Variants in DPP6 observed in about 807,000 individuals in gnomAD.
The protein encoded by DPP6 is A-type potassium channel modulatory protein DPP6.
A neutral mutation model predicts 122.6 loss-of-function variants in DPP6; 69 were observed. The ratio of observed to expected loss-of-function variants is 0.56; its 90% CI spans 0.46 to 0.69. The LOEUF (loss-of-function observed/expected upper bound fraction) is 0.69, where lower values mean the gene tolerates loss of function less well. DPP6 is among the 30% of genes least tolerant of loss of function. DPP6 has a pLI of 0.00. For synonymous variants in DPP6, 418 were observed against 433.1 expected, an observed-to-expected ratio of 0.97 and a Z score of 0.43; for missense variants, 928 against 1,116.9, an observed-to-expected ratio of 0.83 and a Z score of 2.41.
At chr7:153,805,806 A>G in the DPP6 span, among the ~76,000 whole-genome samples, 1 of 151,990 alleles carries the variant, frequency 6.6e-6, no homozygotes, top group Non-Finnish European at 1.5e-5. Flanking sequence ...GAACAATGAG[A>G]ACACTTGGAC....
intron 1 of DPP6, among the ~76,000 whole-genome samples, chr7:154,102,030 T>C (rs113933878): frequency 0.038 from 5,758 of 151,860 alleles, 354 homozygotes; most frequent in African/African-American, 0.13. Context: ...TCAGTAAACA[T>C]TGGATTTCTA....
intron 1 of DPP6, among the ~76,000 whole-genome samples, chr7:153,918,805 C>T (rs1214689691): frequency 1.3e-5 from 2 of 151,732 alleles, no homozygotes; most frequent in African/African-American, 4.8e-5. Context: ...CATGGTGAAA[C>T]CCCGTCTCTA....
At chr7:154,043,008 G>T (rs560845584) in intron 1 of DPP6, among the ~76,000 whole-genome samples, 1 of 152,272 alleles carries the variant, frequency 6.6e-6, no homozygotes, top group Admixed American at 6.5e-5. Flanking sequence ...TGCCTTCCCA[G>T]GAAATCAGGA....
chr7:153,972,158 T>C (rs960186979), intron 1 of DPP6, among the ~76,000 whole-genome samples: 1 of 151,302 alleles, frequency 6.6e-6, no homozygotes, highest in East Asian at 1.9e-4. Flanking sequence ...TCTGATTTCA[T>C]GAAGGAAGCG....
chr7:154,033,668 A>G (rs1214672165), intron 1 of DPP6, among the ~76,000 whole-genome samples: 3 of 152,230 alleles, frequency 2.0e-5, no homozygotes, highest in Non-Finnish European at 4.4e-5. Context: ...GAGTGATTCC[A>G]TAAGCTAGAC....
At position 154,070,781 on chromosome 7, in the gene DPP6, G is replaced by A. The variant is rs1411267010; in HGVS notation, c.243+17718G>A. Among the ~76,000 whole-genome samples the A allele has an allele frequency of 2.6e-5, 4 of 152,090 alleles. No individual in the cohort carries two copies. The East Asian group carries it at 7.7e-4, about 29-fold the overall frequency. On this transcript the variant is annotated intron_variant, in intron 1 of 25. Transcript: ENST00000377770. ...GAAGGTATGGGAAACTGTATTTGTA[G>A]TGTTCACTCAAACCATTCCCAATAA...
intron 5 of DPP6, among the ~76,000 whole-genome samples, chr7:154,580,418 C>T (rs753153121): frequency 3.3e-5 from 5 of 152,196 alleles, no homozygotes; most frequent in Admixed American, 6.5e-5. Context: ...ATGAATGGAA[C>T]GTTGCTCACT....
At chr7:153,857,827 A>G in the DPP6 span, among the ~76,000 whole-genome samples, 1 of 152,322 alleles carries the variant, frequency 6.6e-6, no homozygotes, top group Non-Finnish European at 1.5e-5. Flanking sequence ...CTCTTTAAGA[A>G]CACCACCACA....
chr7:154,197,793 G>A (rs1420721665), intron 1 of DPP6, among the ~76,000 whole-genome samples: 5 of 152,254 alleles, frequency 3.3e-5, no homozygotes, highest in East Asian at 1.9e-4. Flanking sequence ...TTAGAATGTC[G>A]TTGCTTTGCA....
chr7:154,576,381 C>G (rs1831673764), intron 5 of DPP6, among the ~76,000 whole-genome samples: 1 of 152,146 alleles, frequency 6.6e-6, no homozygotes, highest in Non-Finnish European at 1.5e-5. Flanking sequence ...ACTCAGTGCT[C>G]CTGAGTCCCT....
the DPP6 span, among the ~76,000 whole-genome samples, chr7:153,781,982 A>T: frequency 9.5e-6 from 1 of 104,786 alleles, no homozygotes; most frequent in African/African-American, 3.9e-5. Context: ...GAGAATACAC[A>T]CACACACACA....
At chr7:154,022,847 A>ACAG (rs1253001545) in intron 1 of DPP6, among the ~76,000 whole-genome samples, 3 of 152,228 alleles carry the variant, frequency 2.0e-5, no homozygotes, top group African/African-American at 7.2e-5. Context: ...CTAGGATGAG[A>ACAG]CAGAGGTTGG....
chr7:154,891,539 C>T (rs537925715), intron 25 of DPP6, among the ~76,000 whole-genome samples: 35 of 152,308 alleles, frequency 2.3e-4, no homozygotes, highest in African/African-American at 7.2e-4. Flanking sequence ...GTAGCCAGGA[C>T]GCAAAATCTG....
intron 1 of DPP6, among the ~76,000 whole-genome samples, chr7:154,342,381 G>C (rs911513431): frequency 6.6e-6 from 1 of 152,214 alleles, no homozygotes; most frequent in Non-Finnish European, 1.5e-5. Flanking sequence ...GCCTTCACAT[G>C]TTTGGGGGTT....
chr7:154,389,872 A>T (rs1463709398), intron 1 of DPP6, among the ~76,000 whole-genome samples: 1 of 152,250 alleles, frequency 6.6e-6, no homozygotes, highest in Non-Finnish European at 1.5e-5. Context: ...TACAAAAGCC[A>T]GATTAATACA....
chr7:153,933,453 A>G (rs1801270277), intron 1 of DPP6, among the ~76,000 whole-genome samples: 1 of 152,226 alleles, frequency 6.6e-6, no homozygotes, highest in African/African-American at 2.4e-5. Context: ...GAAAAACAGT[A>G]CAAGAATATT....
chr7:154,310,823 A>G (rs1211133252), intron 1 of DPP6, among the ~76,000 whole-genome samples: 1 of 152,142 alleles, frequency 6.6e-6, no homozygotes, highest in Non-Finnish European at 1.5e-5. Context: ...AGAGGAATGA[A>G]CGGTCACCGT....
intron 1 of DPP6, among the ~76,000 whole-genome samples, chr7:154,136,694 A>C (rs1470957661): frequency 6.6e-6 from 1 of 152,206 alleles, no homozygotes; most frequent in African/African-American, 2.4e-5. Flanking sequence ...CCTCAAAGAC[A>C]GTTTTCTTTA....
intron 8 of DPP6, among the ~76,000 whole-genome samples, chr7:154,732,015 T>A (rs1020597240): frequency 1.3e-5 from 2 of 152,144 alleles, no homozygotes; most frequent in African/African-American, 4.8e-5. Context: ...ACTCTTTGTT[T>A]ATAAATTACT....
Sources: allele counts gnomAD v4.1 joint callset (sites outside exome capture counted in the v4.1 genomes callset), GRCh38; gene constraint gnomAD v4.1.1; transcripts MANE v1.5; gene names NCBI Gene and HGNC (gene_info 2026-07-23, HGNC 2026-07-21).